The following NEK10 variants were observed in gnomAD, a reference collection of about 807,000 sequenced individuals.
NEK10 encodes serine/threonine-protein kinase Nek10.
NEK10 carries 122 observed loss-of-function variants against 159.8 expected under a neutral mutation model. That is an observed-to-expected ratio of 0.76 (90% CI 0.66 to 0.89). The LOEUF (loss-of-function observed/expected upper bound fraction) is 0.89. Ranked by LOEUF, NEK10 falls within the 40% of genes least tolerant of loss-of-function variation. The pLI, the probability that NEK10 is intolerant of heterozygous loss-of-function variation, is 0.00. For missense variants in NEK10, 1,342 were observed against 1,323.1 expected, an observed-to-expected ratio of 1.01 and a Z score of -0.22; for synonymous variants, 466 against 457.1, an observed-to-expected ratio of 1.02 and a Z score of -0.25.
At chr3:27,112,644 G>C (rs2037469) in intron 35 of NEK10, among the ~76,000 whole-genome samples, 15,943 of 152,110 alleles carry the variant, frequency 0.1, 2,776 homozygotes, top group African/African-American at 0.36. Flanking sequence ...AACAAACAAG[G>C]TCAACAGATT....
chr3:27,179,138 A>G (rs778125023), intron 26 of NEK10, among the ~76,000 whole-genome samples: 6 of 152,152 alleles, frequency 3.9e-5, no homozygotes, highest in Admixed American at 2.6e-4. Context: ...CCCTTCTCCC[A>G]TTCTCTACAT....
At chr3:27,352,575 C>A (rs747516469) in intron 2 of NEK10, 50 bp from the exon 3 acceptor site, 10 of 1,376,046 alleles carry the variant, frequency 7.3e-6, no homozygotes, top group Non-Finnish European at 7.2e-6. Context: ...TCCAGGTGAA[C>A]AAGATCGTGT....
chr3:27,213,957 G>T (rs1345760488), intron 23 of NEK10, among the ~76,000 whole-genome samples: 2 of 152,170 alleles, frequency 1.3e-5, no homozygotes, highest in Non-Finnish European at 2.9e-5. Context: ...ACCTTTTAAA[G>T]GTAGGAATAG....
chr3:27,279,289 A>T (rs2041983281), intron 22 of NEK10, among the ~76,000 whole-genome samples: 1 of 152,182 alleles, frequency 6.6e-6, no homozygotes, highest in African/African-American at 2.4e-5. Flanking sequence ...ATCATTTGGC[A>T]ATTCTGTGTT....
chr3:27,315,098 T>C (rs920679314), intron 6 of NEK10, among the ~76,000 whole-genome samples: 2 of 152,240 alleles, frequency 1.3e-5, no homozygotes, highest in African/African-American at 4.8e-5. Flanking sequence ...GTTAGCCACA[T>C]TGTCATTTAT....
intron 3 of NEK10, among the ~76,000 whole-genome samples, chr3:27,350,318 C>G (rs551614415): frequency 6.6e-6 from 1 of 152,084 alleles, no homozygotes; most frequent in South Asian, 2.1e-4. Context: ...TGTATGACAA[C>G]CTATCACACT....
chr3:27,264,707 C>CA (rs2040732895), intron 22 of NEK10, among the ~76,000 whole-genome samples: 2 of 152,028 alleles, frequency 1.3e-5, no homozygotes, highest in Admixed American at 6.6e-5. Flanking sequence ...CCCTGGCCAA[C>CA]ATGGGGATAT....
intron 22 of NEK10, chr3:27,265,610 G>A (rs1040896487): frequency 6.6e-6 from 1 of 152,104 alleles, no homozygotes; most frequent in African/African-American, 2.4e-5. Context: ...GCATTTGCAT[G>A]TCATCCTTGT....
In NEK10 at chr3:27,131,952, A is replaced by G. The variant is rs1209890255; in HGVS notation, c.3009T>C (p.Val1003=). 3 of 1,608,878 alleles carry G rather than the reference A, an allele frequency of 1.9e-6. No individual in the cohort carries two copies. The highest frequency in any genetic ancestry group is 2.6e-6 in the Non-Finnish European group (3 of 1,176,312). ...PALHHNLKRR[V]IERFKKSLFS... is the part of the protein sequence containing the mutation. The stretch of plus-strand genomic sequence containing the variant: ...AGAGGGATTTCTTGAATCTCTCTAT[A>G]ACCCTTCTTTTCAAATTGTGGTGCA... The change falls in exon 32 of 36, where the codon GTT becomes GTC. Residue 1003 remains valine, a synonymous_variant. Transcript: ENST00000691995.
At chr3:27,176,715 T>C (rs1947542169) in intron 26 of NEK10, among the ~76,000 whole-genome samples, 1 of 152,226 alleles carries the variant, frequency 6.6e-6, no homozygotes, top group Admixed American at 6.5e-5. Flanking sequence ...TTATGACCTT[T>C]TTTATTCTAA....
At chr3:27,331,266 C>CAAAAAAAAAAAAA (rs2046399909) in intron 5 of NEK10, among the ~76,000 whole-genome samples, 1 of 80,730 alleles carries the variant, frequency 1.2e-5, no homozygotes, top group African/African-American at 4.0e-5. Context: ...AAAAAAAACA[C>CAAAAAAAAAAAAA]ACAAACCTAA....
rs1218281906 is a variant in NEK10, at chr3:27,120,006, TA to T, written c.3082-139del. 3.6e-4 allele frequency: 207 copies of T among 571,326 alleles called. 2 individuals are homozygous for T. The highest frequency in any genetic ancestry group is 7.8e-5 in the Non-Finnish European group (25 of 320,760). The allele number at this position is 571,326 out of a possible 1,614,324, so 35.4% of individuals were successfully genotyped here. A position where few individuals can be genotyped will look rare whatever the true frequency, so the allele number is the denominator to read the frequency against. The stretch of plus-strand genomic sequence containing the variant: ...TCTGTGGTTTTCAATCCCTTGTAAA[TA>T]GATAAAGAAATAATCTTCTTTCCAA... On this transcript the variant is annotated intron_variant, in intron 32 of 35. Coordinates refer to ENST00000691995, the MANE Select transcript of NEK10 (RefSeq NM_001394966.1).
chr3:27,359,845 A>C (rs910281520), intron 1 of NEK10, among the ~76,000 whole-genome samples: 5 of 152,244 alleles, frequency 3.3e-5, no homozygotes, highest in Admixed American at 6.5e-5. Flanking sequence ...TATGTAGTTA[A>C]AGTGCTTTGA....
At chr3:27,178,709 A>G (rs918652388) in intron 26 of NEK10, among the ~76,000 whole-genome samples, 3 of 152,192 alleles carry the variant, frequency 2.0e-5, no homozygotes, top group African/African-American at 4.8e-5. Flanking sequence ...ATATTTTTAA[A>G]AATCAGCCAG....
intron 29 of NEK10, among the ~76,000 whole-genome samples, chr3:27,164,771 A>T (rs1332966192): frequency 6.6e-6 from 1 of 152,208 alleles, no homozygotes; most frequent in Non-Finnish European, 1.5e-5. Context: ...ACTCTCTTAA[A>T]AAGTGAATAA....
chr3:27,107,349 C>T lies in NEK10; in HGVS notation c.*3923G>A, dbSNP rs1939103990. Among the ~76,000 whole-genome samples the T allele has an allele frequency of 6.6e-6, 1 of 152,098 alleles. No homozygotes were observed. Among genetic ancestry groups the T allele is most frequent in the Non-Finnish European group, 1.5e-5 (1 of 68,024 alleles). ...CCACAACAGTCATATTTACAATATGCAATTTACTGTAATGACACACATAAG... is the reference window on the plus strand; with the variant it reads ...CCACAACAGTCATATTTACAATATGTAATTTACTGTAATGACACACATAAG... On this transcript the variant is annotated 3_prime_UTR_variant, in exon 36 of 36. Transcript: ENST00000691995.
intron 23 of NEK10, among the ~76,000 whole-genome samples, chr3:27,212,457 C>T (rs544150740): frequency 8.4e-4 from 128 of 152,272 alleles, no homozygotes; most frequent in African/African-American, 2.4e-3. Context: ...ACTGAATATG[C>T]GAAAACCAAT....
chr3:27,287,040 T>G (rs1269251727), intron 20 of NEK10, among the ~76,000 whole-genome samples: 1 of 151,306 alleles, frequency 6.6e-6, no homozygotes, highest in Non-Finnish European at 1.5e-5. Flanking sequence ...TCTCTTTAAA[T>G]CATTCTTCAA....
At chr3:27,156,929 G>GATACATATATAT (rs1553647311) in intron 30 of NEK10, among the ~76,000 whole-genome samples, 4 of 28,314 alleles carry the variant, frequency 1.4e-4, no homozygotes, top group Non-Finnish European at 2.1e-4. Flanking sequence ...TAAAGAAACT[G>GATACATATATAT]ATATATATAT....
Sources: allele counts gnomAD v4.1 joint callset (sites outside exome capture counted in the v4.1 genomes callset), GRCh38; gene constraint gnomAD v4.1.1; transcripts MANE v1.5; gene names NCBI Gene and HGNC (gene_info 2026-07-23, HGNC 2026-07-21).